Variants in FSTL4 observed in about 807,000 individuals in gnomAD.
The protein encoded by FSTL4 is follistatin like 4.
FSTL4 carries 28 observed loss-of-function variants against 78.2 expected under a neutral mutation model. The observed-to-expected ratio is 0.36, with a 90% CI of 0.27 to 0.49. The LOEUF (loss-of-function observed/expected upper bound fraction) is 0.49, where lower values mean the gene tolerates loss of function less well. FSTL4 is among the 20% of genes least tolerant of loss of function. FSTL4 has a pLI of 0.98. For synonymous variants in FSTL4, 422 were observed against 440.5 expected (o/e 0.96, Z 0.53); for missense variants, 922 against 1,084.9 (o/e 0.85, Z 2.11).
chr5:133,699,771 C>G, the FSTL4 span, among the ~76,000 whole-genome samples: 2 of 149,032 alleles, frequency 1.3e-5, no homozygotes, highest in East Asian at 4.0e-4. Flanking sequence ...GTCCCAGCTA[C>G]TCGGGAGGCT....
At chr5:133,546,426 A>G (rs1759573469) in intron 3 of FSTL4, among the ~76,000 whole-genome samples, 1 of 146,378 alleles carries the variant, frequency 6.8e-6, no homozygotes, top group Non-Finnish European at 1.5e-5. Context: ...GAATTGCTTG[A>G]GCCCAGGAGA....
chr5:133,560,522 C>T (rs1224123008), intron 3 of FSTL4, among the ~76,000 whole-genome samples: 2 of 152,020 alleles, frequency 1.3e-5, no homozygotes, highest in Non-Finnish European at 2.9e-5. Context: ...CACCAACATG[C>T]TTGGCTAATT....
At chr5:133,668,830 A>G in the FSTL4 span, among the ~76,000 whole-genome samples, 3 of 152,248 alleles carry the variant, frequency 2.0e-5, no homozygotes, top group South Asian at 2.1e-4. Context: ...CCCATCAGGC[A>G]TAGTGCATTA....
intron 4 of FSTL4, among the ~76,000 whole-genome samples, chr5:133,340,932 T>G (rs1754565650): frequency 6.7e-6 from 1 of 149,670 alleles, no homozygotes; most frequent in East Asian, 2.0e-4. Flanking sequence ...CCTGAGACAG[T>G]GCCTGGCCCT....
the FSTL4 span, among the ~76,000 whole-genome samples, chr5:133,800,004 C>A: frequency 7.2e-6 from 1 of 139,280 alleles, no homozygotes; most frequent in African/African-American, 2.6e-5. Flanking sequence ...AAGCCAGGGA[C>A]CTGCACGAAA....
At chr5:133,687,143 C>A in the FSTL4 span, among the ~76,000 whole-genome samples, 1 of 152,142 alleles carries the variant, frequency 6.6e-6, no homozygotes, top group Non-Finnish European at 1.5e-5. Context: ...ACTGAGGACC[C>A]CACATGTCAC....
At chr5:133,794,159 G>A in the FSTL4 span, among the ~76,000 whole-genome samples, 1 of 152,214 alleles carries the variant, frequency 6.6e-6, no homozygotes, top group Non-Finnish European at 1.5e-5. Context: ...CTCTGACTTG[G>A]GCCAGGTCTA....
At chr5:133,561,882 C>T (rs1189836284) in intron 3 of FSTL4, among the ~76,000 whole-genome samples, 2 of 152,222 alleles carry the variant, frequency 1.3e-5, no homozygotes, top group Non-Finnish European at 2.9e-5. Context: ...GCACCATGCA[C>T]TTCCCATTCA....
At chr5:133,624,352 C>T in the FSTL4 span, among the ~76,000 whole-genome samples, 1 of 151,874 alleles carries the variant, frequency 6.6e-6, no homozygotes, top group Non-Finnish European at 1.5e-5. Flanking sequence ...CACAAAATGT[C>T]ACATATTATA....
At chr5:133,683,772 G>T in the FSTL4 span, among the ~76,000 whole-genome samples, 3 of 152,306 alleles carry the variant, frequency 2.0e-5, no homozygotes, top group East Asian at 5.8e-4. Context: ...GATTAAAGAG[G>T]TGATGAAGCT....
At chr5:133,693,040 G>A in the FSTL4 span, among the ~76,000 whole-genome samples, 2 of 152,252 alleles carry the variant, frequency 1.3e-5, no homozygotes, top group African/African-American at 4.8e-5. Context: ...GCCTGGCACA[G>A]AGTAGGTGCT....
In FSTL4 at chr5:133,400,728, C is replaced by T. The variant is rs1756200807; in HGVS notation, c.409+10G>A. On this transcript the variant is annotated intron_variant, in intron 4 of 15. Transcript: ENST00000265342. Reference sequence around the variant, plus strand: ...AACCCAAAACCACAGGGCAAGGGCCCTGTTCCTACCTTTGAGGAAACAGTC... The same window carrying T: ...AACCCAAAACCACAGGGCAAGGGCCTTGTTCCTACCTTTGAGGAAACAGTC... 1 of 1,612,692 alleles carries T rather than the reference C, an allele frequency of 6.2e-7. No homozygotes were observed. The highest frequency in any genetic ancestry group is 1.1e-5 in the South Asian group (1 of 91,070).
intron 4 of FSTL4, among the ~76,000 whole-genome samples, chr5:133,322,269 CCACACACCCACACA>C (rs1561671729): frequency 7.2e-5 from 3 of 41,850 alleles, no homozygotes; most frequent in Admixed American, 3.7e-4. Context: ...CCACCCACAC[CCACACACCCACACA>C]CACACACACC....
chr5:133,443,121 C>T (rs923180388), intron 3 of FSTL4, among the ~76,000 whole-genome samples: 10 of 152,212 alleles, frequency 6.6e-5, no homozygotes, highest in African/African-American at 2.2e-4. Flanking sequence ...ATGTCTTCTG[C>T]ACGACACCTT....
chr5:133,200,450 G>A (rs193031643), intron 15 of FSTL4, among the ~76,000 whole-genome samples: 62 of 152,378 alleles, frequency 4.1e-4, no homozygotes, highest in African/African-American at 1.4e-3. Context: ...GCCTGGTGCC[G>A]GCACACTGCC....
intron 3 of FSTL4, among the ~76,000 whole-genome samples, chr5:133,475,871 C>T (rs767111185): frequency 4.6e-5 from 7 of 152,096 alleles, no homozygotes; most frequent in African/African-American, 4.8e-5. Context: ...TGCTCTCACG[C>T]GTGTGTGAGA....
chr5:133,693,772 T>C, the FSTL4 span, among the ~76,000 whole-genome samples: 1 of 152,188 alleles, frequency 6.6e-6, no homozygotes, highest in African/African-American at 2.4e-5. Flanking sequence ...GTGTAAGTCT[T>C]GGAGTCTAAA....
intron 3 of FSTL4, among the ~76,000 whole-genome samples, chr5:133,554,061 A>G (rs879291200): frequency 5.3e-5 from 8 of 152,196 alleles, no homozygotes; most frequent in Non-Finnish European, 1.0e-4. Context: ...ATAAGGGGTG[A>G]CCCTGTGGGG....
At chr5:133,483,971 T>G (rs989033834) in intron 3 of FSTL4, among the ~76,000 whole-genome samples, 2 of 152,244 alleles carry the variant, frequency 1.3e-5, no homozygotes, top group Middle Eastern at 3.2e-3. Flanking sequence ...TGTCTTTCTC[T>G]GGACTCTTCT....
Sources: gnomAD v4.1 joint callset for allele counts (sites outside exome capture counted in the v4.1 genomes callset) on GRCh38, gnomAD v4.1.1 for gene constraint, MANE v1.5 for transcripts, NCBI Gene and HGNC (gene_info 2026-07-23, HGNC 2026-07-21) for gene names.